The following RND3 variants were observed in gnomAD, a reference collection of about 807,000 sequenced individuals.
RND3 encodes the protein Rho family GTPase 3.
Under a neutral mutation model 26.5 loss-of-function variants are expected in RND3, and 8 were observed. That is an observed-to-expected ratio of 0.30 (90% CI 0.18 to 0.54). RND3 has a LOEUF of 0.54. Ranked by LOEUF, RND3 falls within the 20% of genes least tolerant of loss-of-function variation. RND3 has a pLI of 0.94. For synonymous variants in RND3, 113 were observed against 113.0 expected (o/e 1.00, Z 0.00); for missense variants, 207 against 302.8 (o/e 0.68, Z 2.35).
chr2:150,485,993 GGCTGGTGTGGT>G (rs1686353267), intron 3 of RND3, among the ~76,000 whole-genome samples: 1 of 152,140 alleles, frequency 6.6e-6, no homozygotes, highest in African/African-American at 2.4e-5. Flanking sequence ...GGTCAGGAGG[GGCTGGTGTGGT>G]GAAGGGGAAA....
At position 150,487,314 on chromosome 2, in the gene RND3, C is replaced by G; in HGVS notation, c.104G>C (p.Gly35Ala). 6.2e-7 allele frequency: 1 copy of G among 1,605,196 alleles called. No homozygotes were observed. The highest frequency in any genetic ancestry group is 8.5e-7 in the Non-Finnish European group (1 of 1,175,354). ...GAAGACATGGAGCAGCGCAGTTTTTCCACACTGACTGTCTCCCACCACAAC... is the reference window on the plus strand; with the variant it reads ...GAAGACATGGAGCAGCGCAGTTTTTGCACACTGACTGTCTCCCACCACAAC... ...KIVVVGDSQC[G>A]KTALLHVFAK... Residue 35 changes from glycine to alanine, a missense_variant, in exon 2 of 6, where the codon GGA becomes GCA. Physicochemically the swap from Gly to Ala is moderately conservative, Grantham distance 60. Transcript: ENST00000263895.
At chr2:150,472,021 G>C (rs1157351780) in intron 4 of RND3, 1 of 389,982 alleles carries the variant, frequency 2.6e-6, no homozygotes, top group East Asian at 5.0e-5. Flanking sequence ...GCTACTGAAA[G>C]AGACTTGGTA....
rs920506597 is a variant in RND3, at chr2:150,487,171, T to C, written c.150+97A>G. On this transcript the variant is annotated intron_variant, in intron 2 of 5. Coordinates refer to ENST00000263895, the MANE Select transcript of RND3 (RefSeq NM_005168.5). ...AGACTTTTTTTTTTCTTTTTTTTTT[T>C]TTTTAAGGGAAAACGGATGAAAGCG... 3.3e-6 allele frequency: 3 copies of C among 913,198 alleles called. No individual in the cohort carries two copies. The African/African-American group carries it at 5.1e-5, about 16-fold the overall frequency. 56.6% of individuals were successfully genotyped at this position (913,198 alleles called of 1,614,324 possible).
Position 150,486,749 on chromosome 2 carries a change from C to G in RND3, c.183G>C (p.Thr61=), listed in dbSNP as rs762437047. The G allele has an allele frequency of 3.7e-6, 6 of 1,613,656 alleles. No individual in the cohort carries two copies. In the South Asian group the frequency reaches 6.6e-5, roughly 18 times the overall value. The part of the protein sequence containing the change: ...NYVPTVFENY[T]ASFEIDTQRI... ...TTTGTGTGTCGATTTCAAAACTGGCCGTGTAATTCTCAAACACTGTAGGAA... is the reference window on the plus strand; with the variant it reads ...TTTGTGTGTCGATTTCAAAACTGGCGGTGTAATTCTCAAACACTGTAGGAA... Residue 61 remains threonine, a synonymous_variant, in exon 3 of 6, where the codon ACG becomes ACC. Transcript: ENST00000263895. This position sits in a 1 kb window ranked among gnomAD's most constrained non-coding sequence, Gnocchi z 4.5.
At chr2:150,477,948 T>C (rs1479303927) in intron 3 of RND3, among the ~76,000 whole-genome samples, 1 of 152,160 alleles carries the variant, frequency 6.6e-6, no homozygotes, top group Admixed American at 6.5e-5. Flanking sequence ...CCAAAGGTAA[T>C]AGTAAAACTG....
At chr2:150,479,281 G>A (rs1177200927) in intron 3 of RND3, among the ~76,000 whole-genome samples, 2 of 152,130 alleles carry the variant, frequency 1.3e-5, no homozygotes, top group Non-Finnish European at 2.9e-5. Context: ...ATACCTGCCT[G>A]CTGAAGTCAC....
At chr2:150,487,153 TTTTTTTC>T in intron 2 of RND3, 108 bp downstream of exon 2, 1 of 783,926 alleles carries the variant, frequency 1.3e-6, no homozygotes, top group Non-Finnish European at 1.9e-6. Context: ...GAAAGACTTT[TTTTTTTC>T]TTTTTTTTTT....
intron 3 of RND3, among the ~76,000 whole-genome samples, chr2:150,475,945 T>C (rs1686156885): frequency 2.0e-5 from 3 of 152,204 alleles, no homozygotes; most frequent in Non-Finnish European, 2.9e-5. Context: ...TCTTTAAGAA[T>C]TCCAAAGGAT....
chr2:150,478,703 G>C (rs917413849), intron 3 of RND3, among the ~76,000 whole-genome samples: 6 of 151,660 alleles, frequency 4.0e-5, no homozygotes, highest in Non-Finnish European at 7.4e-5. Flanking sequence ...TTTTTACTAA[G>C]TATGAAAGTA....
At chr2:150,487,162 T>TCC in intron 2 of RND3, 106 bp downstream of exon 2, 1 of 533,242 alleles carries the variant, frequency 1.9e-6, no homozygotes. Flanking sequence ...TTTTTTTTCT[T>TCC]TTTTTTTTTT....
In RND3 at chr2:150,478,578, G is replaced by GAAAAAAAA. The variant is rs752844515; in HGVS notation, c.239-3595_239-3594insTTTTTTTT. On this transcript the variant is annotated intron_variant, in intron 3 of 5. Coordinates refer to ENST00000263895, the MANE Select transcript of RND3 (RefSeq NM_005168.5). Reference sequence around the variant, plus strand: ...TTACAACACCCTGTGAAGCCAAACGGCAAAAAAAAAAAAAAAAAATTAACT... The same window carrying GAAAAAAAA: ...TTACAACACCCTGTGAAGCCAAACGGAAAAAAAACAAAAAAAAAAAAAAAAAATTAACT... Among the ~76,000 whole-genome samples, 42 of 74,166 alleles carry GAAAAAAAA rather than the reference G, an allele frequency of 5.7e-4. 1 individual carries two copies. The highest frequency in any genetic ancestry group is 6.9e-3 in the Middle Eastern group (1 of 144). The allele number at this position is 74,166 out of a possible 152,430, so 48.7% of individuals were successfully genotyped here.
chr2:150,477,786 T>C (rs1284476880), intron 3 of RND3, among the ~76,000 whole-genome samples: 1 of 152,204 alleles, frequency 6.6e-6, no homozygotes, highest in African/African-American at 2.4e-5. Context: ...ACATATGTAG[T>C]GCAAAGGTTT....
In RND3 at chr2:150,470,132, C is replaced by G. The variant is rs1686061283; in HGVS notation, c.590G>C (p.Cys197Ser). The G allele has an allele frequency of 6.2e-7, 1 of 1,614,032 alleles. No individual in the cohort carries two copies. Among genetic ancestry groups the G allele is most frequent in the Non-Finnish European group, 8.5e-7 (1 of 1,179,950 alleles). ...AACGTTTTTATTTGTCTTATTTACACATGCCAAGGTGGCAACGTGAAAAAT... is the reference window on the plus strand; with the variant it reads ...AACGTTTTTATTTGTCTTATTTACAGATGCCAAGGTGGCAACGTGAAAAAT... ...RDIFHVATLA[C>S]VNKTNKNVKR... Residue 197 changes from cysteine to serine, a missense_variant, in exon 6 of 6, where the codon TGT becomes TCT. Coordinates refer to ENST00000263895, the MANE Select transcript of RND3 (RefSeq NM_005168.5).
chr2:150,482,107 G>A (rs1686283758), intron 3 of RND3, among the ~76,000 whole-genome samples: 1 of 152,234 alleles, frequency 6.6e-6, no homozygotes, highest in Non-Finnish European at 1.5e-5. Context: ...AGATTCGAAA[G>A]AGTGTTCATG....
intron 3 of RND3, among the ~76,000 whole-genome samples, chr2:150,479,331 T>C (rs1686232658): frequency 6.6e-6 from 1 of 152,188 alleles, no homozygotes; most frequent in Non-Finnish European, 1.5e-5. Flanking sequence ...TGTACATAAT[T>C]AAATGTATAT....
chr2:150,477,580 G>A (rs1686189460), intron 3 of RND3, among the ~76,000 whole-genome samples: 2 of 151,962 alleles, frequency 1.3e-5, no homozygotes. Flanking sequence ...GCTCAGCCCT[G>A]AGTCACCTGC....
In RND3 at chr2:150,469,911, A is replaced by AT; in HGVS notation, c.*75dup. 6.4e-7 allele frequency: 1 copy of AT among 1,558,090 alleles called. No individual in the cohort carries two copies. Among genetic ancestry groups the AT allele is most frequent in the Non-Finnish European group, 8.8e-7 (1 of 1,141,148 alleles). On this transcript the variant is annotated 3_prime_UTR_variant, in exon 6 of 6. Transcript: ENST00000263895. Reference sequence around the variant, plus strand: ...ATACATGACTTTGGCTGTGCACTTCATTTAGACTTCACCTTTTTGTTTGCT... The same window carrying AT: ...ATACATGACTTTGGCTGTGCACTTCATTTTAGACTTCACCTTTTTGTTTGCT...
intron 4 of RND3, 91 bp downstream of exon 4, chr2:150,474,784 T>C (rs1573953577): frequency 1.5e-6 from 1 of 673,068 alleles, no homozygotes; most frequent in African/African-American, 1.8e-5. Context: ...GGCAGGGAAT[T>C]GATTAGAGTC....
chr2:150,480,598 T>C (rs1686254896), intron 3 of RND3, among the ~76,000 whole-genome samples: 1 of 151,926 alleles, frequency 6.6e-6, no homozygotes, highest in Non-Finnish European at 1.5e-5. Flanking sequence ...GGATGCTTCA[T>C]TGAAATGTGC....
Sources: gnomAD v4.1 joint callset for allele counts (sites outside exome capture counted in the v4.1 genomes callset) on GRCh38, gnomAD v4.1.1 for gene constraint, Gnocchi (gnomAD v3.1) non-coding constraint, MANE v1.5 for transcripts, NCBI Gene and HGNC (gene_info 2026-07-23, HGNC 2026-07-21) for gene names.